The following PCDH9 variants were observed in gnomAD, a reference collection of about 807,000 sequenced individuals.
PCDH9 encodes the protein protocadherin-9.
Under a neutral mutation model 70.6 loss-of-function variants are expected in PCDH9, and 24 were observed. That is an observed-to-expected ratio of 0.34 (90% CI 0.25 to 0.48). The LOEUF is 0.48. Among genes scored for constraint, PCDH9 ranks in the 20% least tolerant of loss-of-function variants. The pLI is 0.99. For synonymous variants in PCDH9, 562 were observed against 558.5 expected, an observed-to-expected ratio of 1.01 and a Z score of -0.09; for missense variants, 1,281 against 1,503.6, an observed-to-expected ratio of 0.85 and a Z score of 2.45.
intron 2 of PCDH9, among the ~76,000 whole-genome samples, chr13:67,088,831 A>G (rs924675826): frequency 6.6e-6 from 1 of 152,046 alleles, no homozygotes; most frequent in African/African-American, 2.4e-5. Context: ...TTTATTTCAA[A>G]GAACACTACA....
At chr13:67,210,740 C>G (rs1380803237) in intron 2 of PCDH9, 2 of 151,640 alleles carry the variant, frequency 1.3e-5, no homozygotes, top group Non-Finnish European at 2.9e-5. Flanking sequence ...ATTATTGTAG[C>G]CAAAAAGAGA....
At chr13:66,972,752 A>C (rs2083547560) in intron 2 of PCDH9, among the ~76,000 whole-genome samples, 1 of 151,996 alleles carries the variant, frequency 6.6e-6, no homozygotes, top group Non-Finnish European at 1.5e-5. Context: ...TCTCGTCTCC[A>C]TTACATTGAT....
chr13:66,973,239 C>A (rs561597343), intron 2 of PCDH9, among the ~76,000 whole-genome samples: 1 of 152,076 alleles, frequency 6.6e-6, no homozygotes, highest in East Asian at 1.9e-4. Context: ...TCTCCTAATT[C>A]CCACCAGCCA....
intron 4 of PCDH9, among the ~76,000 whole-genome samples, chr13:66,611,680 C>A (rs1268026088): frequency 6.6e-6 from 1 of 152,154 alleles, no homozygotes; most frequent in African/African-American, 2.4e-5. Flanking sequence ...AACTAGTTAA[C>A]AAGAAATTTG....
chr13:67,064,872 G>C (rs917959144), intron 2 of PCDH9, among the ~76,000 whole-genome samples: 5 of 151,530 alleles, frequency 3.3e-5, no homozygotes, highest in African/African-American at 1.2e-4. Flanking sequence ...GTGTATGTGT[G>C]TGTATCTGCC....
rs2085407025 is a variant in PCDH9 at position 67,055,779 on chromosome 13, AGAGT to A, written c.3037-152178_3037-152175del. On this transcript the variant is annotated intron_variant, in intron 2 of 4. Coordinates refer to ENST00000377865, the MANE Select transcript of PCDH9 (RefSeq NM_203487.3). Reference sequence around the variant, plus strand: ...CACATCACTGTATAGTCTGGATGATAGAGTGAGACCTTGTATCCAAAAAAAACCC... The same window carrying A: ...CACATCACTGTATAGTCTGGATGATAGAGACCTTGTATCCAAAAAAAACCC... Among the ~76,000 whole-genome samples the A allele has an allele frequency of 3.3e-5, 5 of 152,186 alleles. No homozygotes were observed. The South Asian group carries it at 1.0e-3, about 31-fold the overall frequency.
chr13:66,880,149 G>C (rs962978016), intron 3 of PCDH9: 2 of 152,170 alleles, frequency 1.3e-5, no homozygotes, highest in African/African-American at 4.8e-5. Flanking sequence ...TTGTGCTATT[G>C]AAGTACAAAA....
intron 4 of PCDH9, among the ~76,000 whole-genome samples, chr13:66,397,629 T>G (rs1328818156): frequency 2.0e-5 from 3 of 151,572 alleles, no homozygotes; most frequent in Non-Finnish European, 4.4e-5. Context: ...ATACATATTT[T>G]GTATATATAT....
chr13:66,606,278 T>C (rs1224044342), intron 4 of PCDH9, among the ~76,000 whole-genome samples: 1 of 152,122 alleles, frequency 6.6e-6, no homozygotes, highest in Non-Finnish European at 1.5e-5. Flanking sequence ...GTAGAATTTC[T>C]AATGTCATTA....
In PCDH9 at chr13:67,226,215, T is replaced by G. The variant is rs1319721125; in HGVS notation, c.2226A>C (p.Ala742=). The G allele has an allele frequency of 2.5e-6, 4 of 1,613,960 alleles. No individual in the cohort carries two copies. Among genetic ancestry groups the G allele is most frequent in the Non-Finnish European group, 3.4e-6 (4 of 1,180,014 alleles). The part of the protein sequence containing the change: ...TGNITLEEKP[A]PTDVGLHRLV... Reference sequence around the variant, plus strand: ...AACGATGCAATCCCACATCAGTAGGTGCTGGTTTTTCTTCCAGAGTAATGT... The same window carrying G: ...AACGATGCAATCCCACATCAGTAGGGGCTGGTTTTTCTTCCAGAGTAATGT... The change falls in exon 2 of 5, where the codon GCA becomes GCC. Residue 742 remains alanine (A), a synonymous_variant. Coordinates refer to ENST00000377865, the MANE Select transcript of PCDH9 (RefSeq NM_203487.3). The surrounding 1 kb of genome is among the most constrained non-coding windows in gnomAD (Gnocchi z 5.0).
intron 3 of PCDH9, among the ~76,000 whole-genome samples, chr13:66,752,184 A>AAC (rs2079470611): frequency 1.3e-5 from 2 of 152,208 alleles, no homozygotes; most frequent in African/African-American, 4.8e-5. Flanking sequence ...GCTGGAATAG[A>AAC]GTAAGTAAGA....
At chr13:66,737,587 G>C (rs1051926350) in intron 3 of PCDH9, among the ~76,000 whole-genome samples, 44 of 152,314 alleles carry the variant, frequency 2.9e-4, no homozygotes, top group African/African-American at 1.0e-3. Context: ...TGAGGTACCG[G>C]GTTCATCTCA....
chr13:66,597,708 A>G (rs904016359), intron 4 of PCDH9, among the ~76,000 whole-genome samples: 7 of 151,948 alleles, frequency 4.6e-5, no homozygotes, highest in Middle Eastern at 6.8e-3. Flanking sequence ...AGCATAGGCA[A>G]CAAAACAAAA....
intron 4 of PCDH9, among the ~76,000 whole-genome samples, chr13:66,317,878 A>G (rs1955682107): frequency 6.6e-6 from 1 of 152,176 alleles, no homozygotes; most frequent in African/African-American, 2.4e-5. Flanking sequence ...TTAAAAGGCT[A>G]ATATGTCATT....
intron 3 of PCDH9, among the ~76,000 whole-genome samples, chr13:66,661,119 C>T (rs1348174434): frequency 1.3e-5 from 2 of 152,168 alleles, no homozygotes; most frequent in Admixed American, 6.5e-5. Context: ...GATTTGGTGA[C>T]ATGCTGGTTT....
At chr13:66,306,351 C>T (rs1955464994) in intron 4 of PCDH9, 1 of 150,310 alleles carries the variant, frequency 6.7e-6, no homozygotes, top group South Asian at 2.1e-4. Flanking sequence ...CCCACCGAGA[C>T]AGGAAACAGT....
chr13:66,347,225 G>T (rs191971647), intron 4 of PCDH9, among the ~76,000 whole-genome samples: 18 of 152,178 alleles, frequency 1.2e-4, no homozygotes, highest in African/African-American at 4.3e-4. Flanking sequence ...ATGTATTCAT[G>T]TTTCTGAACA....
intron 4 of PCDH9, among the ~76,000 whole-genome samples, chr13:66,546,200 C>T (rs1961192134): frequency 1.3e-5 from 2 of 151,402 alleles, no homozygotes; most frequent in African/African-American, 4.8e-5. Flanking sequence ...AACTATAAAG[C>T]AGCCTCAGGT....
chr13:67,211,223 T>G (rs1471428809), intron 2 of PCDH9: 1 of 151,996 alleles, frequency 6.6e-6, no homozygotes. Flanking sequence ...GGTCTACATA[T>G]TTTAGCAGGT....
Sources: gnomAD v4.1 joint callset for allele counts (sites outside exome capture counted in the v4.1 genomes callset) on GRCh38, gnomAD v4.1.1 for gene constraint, Gnocchi (gnomAD v3.1) non-coding constraint, MANE v1.5 for transcripts, NCBI Gene and HGNC (gene_info 2026-07-23, HGNC 2026-07-21) for gene names.